CEP170B: variants seen among roughly 807,000 people sequenced by gnomAD.
The protein encoded by CEP170B is centrosomal protein 170B.
Under a neutral mutation model 120.6 loss-of-function variants are expected in CEP170B, and 55 were observed. The ratio of observed to expected loss-of-function variants is 0.46; its 90% CI spans 0.37 to 0.57. The LOEUF is 0.57. CEP170B is among the 20% of genes least tolerant of loss of function. The probability of loss-of-function intolerance (pLI) is 0.00; values close to 1 mark genes in which losing one functional copy is unlikely to be tolerated. For synonymous variants in CEP170B, 1,033 were observed against 954.5 expected (o/e 1.08, Z -1.52); for missense variants, 2,212 against 2,253.3 (o/e 0.98, Z 0.37).
Position 104,880,310 on chromosome 14 carries a change from G to T in CEP170B, c.357G>T (p.Leu119=), listed in dbSNP as rs868205651. 4.4e-6 allele frequency: 7 copies of T among 1,607,232 alleles called. No homozygotes were observed. The African/African-American group carries it at 9.3e-5, about 21-fold the overall frequency. ...AGCATGAAAAGTACACCAGCCAGCTGCAGGTGAGCGTGAAGGGTTTGGCGC... is the reference window on the plus strand; with the variant it reads ...AGCATGAAAAGTACACCAGCCAGCTTCAGGTGAGCGTGAAGGGTTTGGCGC... ...ALKHEKYTSQ[L]QVSVKGLAPK... is the part of the protein sequence containing the mutation. Residue 119 remains leucine, a synonymous_variant, in exon 6 of 19, where the codon CTG becomes CTT. Coordinates refer to ENST00000414716, the MANE Select transcript of CEP170B (RefSeq NM_001112726.3).
At chr14:104,876,101 G>A (rs943295127) in intron 2 of CEP170B, among the ~76,000 whole-genome samples, 155 bp from the exon 3 acceptor site, 2 of 152,272 alleles carry the variant, frequency 1.3e-5, no homozygotes, top group South Asian at 2.1e-4. Flanking sequence ...GGCGAATCCT[G>A]CTCTGGAGAC....
rs1245954466 is a variant in CEP170B at position 104,872,144 on chromosome 14, CCGTGTGTGTGCGTGTGTGCCG to C, written c.105+3608_105+3628del. On this transcript the variant is annotated intron_variant, in intron 2 of 18. Coordinates refer to ENST00000414716, the MANE Select transcript of CEP170B (RefSeq NM_001112726.3). ...TGCGTCGTGTGTGTGCGTGTGTGTG[CCGTGTGTGTGCGTGTGTGCCG>C]CGTGTGTGTGCGTGTGTGTGCTGTG... 1.7e-4 allele frequency among the ~76,000 whole-genome samples: 24 copies of C among 144,590 alleles called. No homozygotes were observed. The South Asian group carries it at 2.0e-3, about 12-fold the overall frequency. The allele number at this position is 144,590 out of a possible 152,430, so 94.9% of individuals were successfully genotyped here. A position where few individuals can be genotyped will look rare whatever the true frequency, so the allele number is the denominator to read the frequency against.
Position 104,886,680 on chromosome 14 carries a change from C to G in CEP170B, c.2441C>G (p.Ala814Gly), listed in dbSNP as rs747945404. The G allele has an allele frequency of 6.5e-7, 1 of 1,546,720 alleles. No homozygotes were observed. Among genetic ancestry groups the G allele is most frequent in the Non-Finnish European group, 8.7e-7 (1 of 1,149,170 alleles). ...GDAVLSRKPL[A>G]APGDGEGLGQ... Reference sequence around the variant, plus strand: ...GCTGTGTTATCTAGGAAACCGCTTGCGGCTCCAGGGGATGGGGAGGGCCTA... The same window carrying G: ...GCTGTGTTATCTAGGAAACCGCTTGGGGCTCCAGGGGATGGGGAGGGCCTA... The change falls in exon 12 of 19, where the codon GCG becomes GGG. Residue 814 changes from alanine (A) to glycine (G), a missense_variant. Around this residue, in one of 2 missense-constraint regions of CEP170B, gnomAD observed 2,166 missense variants for 2,166.7 expected, o/e 1.00. Transcript: ENST00000414716.
chr14:104,866,768 C>A lies in CEP170B; in HGVS notation c.-28+1255C>A, dbSNP rs550051188. Among the ~76,000 whole-genome samples, 284 of 152,262 alleles carry A rather than the reference C, an allele frequency of 1.9e-3. 1 individual carries two copies. The highest frequency in any genetic ancestry group is 6.7e-3 in the African/African-American group (280 of 41,544). On this transcript the variant is annotated intron_variant, in intron 1 of 18. Transcript: ENST00000414716. ...TGGTGAAGAGCCTCAAAGCTGAAGA[C>A]CTTGGGCGTGGGCACTGGGCAAAGT...
intron 6 of CEP170B, among the ~76,000 whole-genome samples, chr14:104,880,746 C>G (rs1212016486): frequency 2.6e-5 from 4 of 151,998 alleles, no homozygotes; most frequent in African/African-American, 7.3e-5. Context: ...CACCACTCAC[C>G]CCTGTGCACA....
At chr14:104,889,101 G>A (rs1896661890) in intron 12 of CEP170B, among the ~76,000 whole-genome samples, 1 of 152,206 alleles carries the variant, frequency 6.6e-6, no homozygotes, top group Non-Finnish European at 1.5e-5. Context: ...GACTGCAGTG[G>A]CCTTGCTTGC....
rs143355177 is a variant in CEP170B, at chr14:104,883,171, G to T, written c.714G>T (p.Gln238His). 2.3e-4 allele frequency: 375 copies of T among 1,604,404 alleles called. 3 individuals are homozygous for T. Among genetic ancestry groups the T allele is most frequent in the South Asian group, 1.8e-3 (167 of 90,548 alleles). The change falls in exon 8 of 19, where the codon CAG (glutamine) becomes CAT (histidine). Residue 238 changes from glutamine (Q) to histidine (H), a missense_variant. Transcript: ENST00000414716. ...IPTKETPQPS[Q>H]PPEVPAHEMP... is the part of the protein sequence containing the mutation. ...CGAAGGAGACCCCGCAGCCGTCGCA[G>T]CCCCCCGAGGTGCCGGCACACGAGA... is the stretch of plus-strand genomic sequence containing the variant.
Position 104,896,246 on chromosome 14 carries a change from T to C in CEP170B, c.*1288T>C, listed in dbSNP as rs1440821922. 2 of 258,928 alleles carry C rather than the reference T, an allele frequency of 7.7e-6. No homozygotes were observed. Among genetic ancestry groups the C allele is most frequent in the Admixed American group, 4.8e-5 (1 of 20,658 alleles). 16.0% of individuals were successfully genotyped at this position (258,928 alleles called of 1,614,324 possible). On this transcript the variant is annotated 3_prime_UTR_variant, in exon 19 of 19. Coordinates refer to ENST00000414716, the MANE Select transcript of CEP170B (RefSeq NM_001112726.3). ...AAGCGGGTGGTGTGTGTCCCCTGTTTACTTTTAGCTGAGCTGGGGTTGGGT... is the reference window on the plus strand; with the variant it reads ...AAGCGGGTGGTGTGTGTCCCCTGTTCACTTTTAGCTGAGCTGGGGTTGGGT...
chr14:104,892,973 C>T lies in CEP170B; in HGVS notation c.3879-3C>T, dbSNP rs1228709673. 6.4e-7 allele frequency: 1 copy of T among 1,560,612 alleles called. No homozygotes were observed. The highest frequency in any genetic ancestry group is 1.2e-5 in the South Asian group (1 of 84,630). On this transcript the variant is annotated splice_polypyrimidine_tract_variant and splice_region_variant and intron_variant, in intron 13 of 18. Transcript: ENST00000414716. ...AACCTGCCGTCTTTCCTGCCGGCTG[C>T]AGGCTGAGCCAGACGCTGGTGAAGG...
At position 104,866,188 on chromosome 14, in the gene CEP170B, G is replaced by A. The variant is rs1024383085; in HGVS notation, c.-28+675G>A. Among the ~76,000 whole-genome samples the A allele has an allele frequency of 2.0e-5, 3 of 152,204 alleles. No individual in the cohort carries two copies. In the South Asian group the frequency reaches 6.2e-4, roughly 31 times the overall value. ...CGTTTTGGAGCGTCGCGGGCTCCCAGGCCTTTTCAGGGTGGGCGGCCGGGG... is the reference window on the plus strand; with the variant it reads ...CGTTTTGGAGCGTCGCGGGCTCCCAAGCCTTTTCAGGGTGGGCGGCCGGGG... On this transcript the variant is annotated intron_variant, in intron 1 of 18. Transcript: ENST00000414716.
Position 104,894,305 on chromosome 14 carries a change from G to A in CEP170B, c.4292G>A (p.Gly1431Glu). ...GACAGGATCCTCTTTCAGAACACAGGGAGAGCTTGGGAGGACCTGGAAGCC... is the reference window on the plus strand; with the variant it reads ...GACAGGATCCTCTTTCAGAACACAGAGAGAGCTTGGGAGGACCTGGAAGCC... ...EKMKILFQNTGRAWEDLEARI... is the reference protein window; with the variant it reads ...EKMKILFQNTERAWEDLEARI... Residue 1431 changes from glycine to glutamate, a missense_variant, in exon 17 of 19, where the codon GGG becomes GAG. Coordinates refer to ENST00000414716, the MANE Select transcript of CEP170B (RefSeq NM_001112726.3). 6.2e-7 allele frequency: 1 copy of A among 1,613,560 alleles called. No homozygotes were observed. The highest frequency in any genetic ancestry group is 8.5e-7 in the Non-Finnish European group (1 of 1,179,820).
chr14:104,887,635 G>T lies in CEP170B; in HGVS notation c.3396G>T (p.Gly1132=). The T allele has an allele frequency of 6.4e-7, 1 of 1,560,518 alleles. No homozygotes were observed. Among genetic ancestry groups the T allele is most frequent in the South Asian group, 1.2e-5 (1 of 85,346 alleles). The change falls in exon 12 of 19, where the codon GGG becomes GGT. Residue 1132 remains glycine, a synonymous_variant. Coordinates refer to ENST00000414716, the MANE Select transcript of CEP170B (RefSeq NM_001112726.3). ...RASRLRRARL[G]DASDTEAADG... ...CCCGGCTGAGGCGGGCCCGGCTGGG[G>T]GACGCTTCAGACACTGAGGCTGCGG...
At chr14:104,872,360 C>CGT (rs1895582265) in intron 2 of CEP170B, among the ~76,000 whole-genome samples, 1 of 36,592 alleles carries the variant, frequency 2.7e-5, no homozygotes, top group Non-Finnish European at 7.2e-5. Flanking sequence ...GTGTGTGTGC[C>CGT]GCGTGTGTGT....
chr14:104,887,705 C>A lies in CEP170B; in HGVS notation c.3466C>A (p.Pro1156Thr). Residue 1156 changes from proline (P) to threonine (T), a missense_variant, in exon 12 of 19, where the codon CCA (proline) becomes ACA (threonine). This residue lies in a region of CEP170B where 2,166 missense variants were observed against 2,166.7 expected (regional missense o/e 1.00). Coordinates refer to ENST00000414716, the MANE Select transcript of CEP170B (RefSeq NM_001112726.3). ...SLGNPEPVGR[P>T]AAEQAKKLSR... ...GGGCAACCCTGAGCCCGTGGGCCGGCCAGCTGCTGAGCAGGCCAAGAAGCT... is the reference window on the plus strand; with the variant it reads ...GGGCAACCCTGAGCCCGTGGGCCGGACAGCTGCTGAGCAGGCCAAGAAGCT... 1 of 1,586,074 alleles carries A rather than the reference C, an allele frequency of 6.3e-7. No individual in the cohort carries two copies. The highest frequency in any genetic ancestry group is 1.8e-5 in the Admixed American group (1 of 56,836).
intron 2 of CEP170B, among the ~76,000 whole-genome samples, chr14:104,873,228 G>C (rs572548939): frequency 1.3e-5 from 2 of 151,626 alleles, no homozygotes; most frequent in Non-Finnish European, 2.9e-5. Flanking sequence ...AGCTGGGCTC[G>C]GGGTGTTAAC....
At chr14:104,872,417 G>GTGTGTGCGTGT (rs1566852598) in intron 2 of CEP170B, among the ~76,000 whole-genome samples, 7,139 of 52,064 alleles carry the variant, frequency 0.14, 1,007 homozygotes, top group Middle Eastern at 0.26. Flanking sequence ...GTGTGCCGTG[G>GTGTGTGCGTGT]GTGTGCCGTG....
intron 6 of CEP170B, among the ~76,000 whole-genome samples, chr14:104,881,988 C>T (rs1896181529): frequency 6.6e-6 from 1 of 152,218 alleles, no homozygotes; most frequent in East Asian, 1.9e-4. Flanking sequence ...GACGCAGAGG[C>T]CCCCTGGGCT....
At position 104,868,464 on chromosome 14, in the gene CEP170B, C is replaced by A; in HGVS notation, c.14C>A (p.Ser5Tyr). Residue 5 changes from serine to tyrosine, a missense_variant, in exon 2 of 19, where the codon TCC becomes TAC. By Grantham distance (144) the Ser-to-Tyr change is moderately radical. Coordinates refer to ENST00000414716, the MANE Select transcript of CEP170B (RefSeq NM_001112726.3). The surrounding 1 kb of genome is among the most constrained non-coding windows in gnomAD (Gnocchi z 5.9). Reference sequence around the variant, plus strand: ...GCCAGCACCAAGATGAGTGCCACGTCCTGGTTCCTGGTGAGCAGCAGCGGC... The same window carrying A: ...GCCAGCACCAAGATGAGTGCCACGTACTGGTTCCTGGTGAGCAGCAGCGGC... MSAT[S>Y]WFLVSSSGAR... The A allele has an allele frequency of 6.5e-7, 1 of 1,548,968 alleles. No individual in the cohort carries two copies. Among genetic ancestry groups the A allele is most frequent in the Non-Finnish European group, 8.7e-7 (1 of 1,146,918 alleles).
At chr14:104,894,513 C>T (rs1248986512) in intron 17 of CEP170B, 24 bp from the exon 18 acceptor site, 2 of 1,607,762 alleles carry the variant, frequency 1.2e-6, no homozygotes, top group African/African-American at 1.3e-5. Context: ...GTTGACTCCA[C>T]CTCCCTTCCT....
Sources: gnomAD v4.1 joint callset for allele counts (sites outside exome capture counted in the v4.1 genomes callset) on GRCh38, gnomAD v4.1.1 for gene constraint, gnomAD v4.1.1 regional missense constraint, Gnocchi (gnomAD v3.1) non-coding constraint, MANE v1.5 for transcripts, NCBI Gene and HGNC (gene_info 2026-07-23, HGNC 2026-07-21) for gene names.